FAM184B: variants seen among roughly 807,000 people sequenced by gnomAD.
The protein encoded by FAM184B is family with sequence similarity 184 member B.
A neutral mutation model predicts 135.9 loss-of-function variants in FAM184B; 111 were observed. The ratio of observed to expected loss-of-function variants is 0.82; its 90% confidence interval spans 0.70 to 0.96. FAM184B has a LOEUF of 0.96. Among genes scored for constraint, FAM184B ranks in the 40% least tolerant of loss-of-function variants. The pLI is 0.00. For missense variants in FAM184B, 1,375 were observed against 1,323.9 expected, an observed-to-expected ratio of 1.04 and a Z score of -0.60; for synonymous variants, 552 against 524.8, an observed-to-expected ratio of 1.05 and a Z score of -0.71.
At chr4:17,715,557 C>A (rs1264134717) in intron 1 of FAM184B, among the ~76,000 whole-genome samples, 1 of 151,966 alleles carries the variant, frequency 6.6e-6, no homozygotes, top group African/African-American at 2.4e-5. Flanking sequence ...GGAATAAATT[C>A]AAGAGATCTT....
chr4:17,705,699 G>C, intron 4 of FAM184B, 53 bp downstream of exon 4: 5 of 1,544,152 alleles, frequency 3.2e-6, no homozygotes, highest in Non-Finnish European at 3.5e-6. Context: ...GCTTATAATA[G>C]ATAGCAAAGC....
At chr4:17,730,104 A>G (rs1299906440) in intron 1 of FAM184B, among the ~76,000 whole-genome samples, 2 of 152,256 alleles carry the variant, frequency 1.3e-5, no homozygotes, top group African/African-American at 4.8e-5. Flanking sequence ...AGGCTCGAGA[A>G]TTACTTGAAG....
At chr4:17,744,699 G>A (rs1318839304) in intron 1 of FAM184B, among the ~76,000 whole-genome samples, 1 of 149,880 alleles carries the variant, frequency 6.7e-6, no homozygotes, top group African/African-American at 2.5e-5. Flanking sequence ...CAGCCTGGGG[G>A]ACAGAGCGAG....
chr4:17,650,796 G>C (rs1177426080), intron 11 of FAM184B, among the ~76,000 whole-genome samples: 1 of 152,176 alleles, frequency 6.6e-6, no homozygotes, highest in African/African-American at 2.4e-5. Flanking sequence ...CAGTCAGTGG[G>C]ACACGCTTTC....
chr4:17,740,905 G>C (rs1301420610), intron 1 of FAM184B, among the ~76,000 whole-genome samples: 2 of 152,076 alleles, frequency 1.3e-5, no homozygotes, highest in African/African-American at 2.4e-5. Context: ...CTTTGTCCTG[G>C]ACTGTTGTAG....
intron 15 of FAM184B, among the ~76,000 whole-genome samples, chr4:17,635,675 T>TAAA (rs5856436): frequency 1.6e-4 from 23 of 147,908 alleles, no homozygotes; most frequent in African/African-American, 3.0e-4. Flanking sequence ...AGGATTACTT[T>TAAA]AAAAAAAAAA....
At chr4:17,723,385 A>G (rs529870622) in intron 1 of FAM184B, among the ~76,000 whole-genome samples, 17 of 152,364 alleles carry the variant, frequency 1.1e-4, no homozygotes, top group Admixed American at 1.1e-3. Flanking sequence ...CATTTATGAT[A>G]CTTAGGTCAC....
intron 16 of FAM184B, chr4:17,634,136 A>G (rs1715053183): frequency 6.2e-6 from 2 of 320,886 alleles, no homozygotes; most frequent in East Asian, 5.3e-5. Flanking sequence ...TTGCAACTCA[A>G]TTTTGTTTAA....
chr4:17,684,888 T>C (rs1448964592), intron 7 of FAM184B, among the ~76,000 whole-genome samples: 4 of 152,158 alleles, frequency 2.6e-5, no homozygotes, highest in African/African-American at 7.2e-5. Flanking sequence ...ATATGTCCTT[T>C]GCAGGGACAT....
intron 15 of FAM184B, among the ~76,000 whole-genome samples, chr4:17,635,436 A>C (rs552598073): frequency 5.9e-5 from 9 of 152,290 alleles, no homozygotes; most frequent in African/African-American, 1.9e-4. Context: ...TATGCAAAGG[A>C]TTTTGCCGCC....
chr4:17,638,737 T>G (rs1577241204), intron 14 of FAM184B, among the ~76,000 whole-genome samples: 1 of 152,142 alleles, frequency 6.6e-6, no homozygotes, highest in Non-Finnish European at 1.5e-5. Flanking sequence ...GTGTGAGGGT[T>G]AAACCAATGC....
rs367653787 is a variant in FAM184B at position 17,671,305 on chromosome 4, A to G, written c.1597-6646T>C. ...AGTTTTCTAAGGGGGATGTCCCTAG[A>G]GGGCTAGCTTTTGTCTTGCTGCTGT... is the stretch of plus-strand genomic sequence containing the variant. On this transcript the variant is annotated intron_variant, in intron 7 of 17. Coordinates refer to ENST00000265018, the MANE Select transcript of FAM184B (RefSeq NM_015688.2). Among the ~76,000 whole-genome samples the G allele has an allele frequency of 2.6e-5, 4 of 152,242 alleles. No individual in the cohort carries two copies. In the East Asian group the frequency reaches 5.8e-4, roughly 22 times the overall value.
At chr4:17,721,158 C>A (rs1207945842) in intron 1 of FAM184B, among the ~76,000 whole-genome samples, 1 of 151,378 alleles carries the variant, frequency 6.6e-6, no homozygotes, top group African/African-American at 2.4e-5. Context: ...GCCGAGAAGG[C>A]GGATCATGAG....
chr4:17,739,516 G>T (rs1264352793), intron 1 of FAM184B, among the ~76,000 whole-genome samples: 1 of 138,680 alleles, frequency 7.2e-6, no homozygotes, highest in Admixed American at 7.6e-5. Flanking sequence ...AGAATAACAA[G>T]AGCCTGGCTG....
intron 13 of FAM184B, among the ~76,000 whole-genome samples, chr4:17,641,643 C>CTTATTTTTTTTTT (rs1715318565): frequency 4.1e-5 from 1 of 24,376 alleles, no homozygotes; most frequent in African/African-American, 1.6e-4. Context: ...CACGCCCGGC[C>CTTATTTTTTTTTT]TTTTTTTTTT....
At position 17,772,203 on chromosome 4, in the gene FAM184B, T is replaced by C. The variant is rs562451483; in HGVS notation, c.141+8956A>G. ...TAGAAACAAATCAAATTTAAATTCATTTCACGTATAACTTTGAATAGAAAT... is the reference window on the plus strand; with the variant it reads ...TAGAAACAAATCAAATTTAAATTCACTTCACGTATAACTTTGAATAGAAAT... On this transcript the variant is annotated intron_variant, in intron 1 of 17. Coordinates refer to ENST00000265018, the MANE Select transcript of FAM184B (RefSeq NM_015688.2). 4.7e-4 allele frequency among the ~76,000 whole-genome samples: 72 copies of C among 152,326 alleles called. No individual in the cohort carries two copies. In the South Asian group the frequency reaches 0.014, roughly 30 times the overall value.
intron 1 of FAM184B, among the ~76,000 whole-genome samples, chr4:17,712,422 C>A (rs1389332428): frequency 6.6e-6 from 1 of 152,196 alleles, no homozygotes; most frequent in South Asian, 2.1e-4. Flanking sequence ...AAACACGACA[C>A]TGGCTGCCTG....
chr4:17,632,043 A>ATTTTTTTTTTTTTTTTTTTTTTTTTTTT lies in FAM184B; in HGVS notation c.*461_*488dup, dbSNP rs199549580. On this transcript the variant is annotated 3_prime_UTR_variant, in exon 18 of 18. Transcript: ENST00000265018. Reference sequence around the variant, plus strand: ...TTTTAATAACACTGGTTTAATGTCAATTTTTTTTTTTTTTTTTTTTTTTTT... The same window carrying ATTTTTTTTTTTTTTTTTTTTTTTTTTTT: ...TTTTAATAACACTGGTTTAATGTCAATTTTTTTTTTTTTTTTTTTTTTTTTTTTTTTTTTTTTTTTTTTTTTTTTTTTT... 1.7e-5 allele frequency: 2 copies of ATTTTTTTTTTTTTTTTTTTTTTTTTTTT among 117,624 alleles called. No individual in the cohort carries two copies. The highest frequency in any genetic ancestry group is 8.6e-5 in the Admixed American group (1 of 11,634). 7.3% of individuals were successfully genotyped at this position (117,624 alleles called of 1,614,324 possible).
chr4:17,710,354 A>ACAAACAAC (rs58518476), intron 1 of FAM184B, among the ~76,000 whole-genome samples: 1 of 151,932 alleles, frequency 6.6e-6, no homozygotes, highest in Non-Finnish European at 1.5e-5. Context: ...AAAGAAACAA[A>ACAAACAAC]AACTGGACAG....
Sources: allele counts gnomAD v4.1 joint callset (sites outside exome capture counted in the v4.1 genomes callset), GRCh38; gene constraint gnomAD v4.1.1; transcripts MANE v1.5; gene names NCBI Gene and HGNC (gene_info 2026-07-23, HGNC 2026-07-21).